Variants in ZSWIM6 observed in about 807,000 individuals in gnomAD.
ZSWIM6 encodes zinc finger SWIM domain-containing protein 6.
Under a neutral mutation model 113.2 loss-of-function variants are expected in ZSWIM6, and 9 were observed. The observed-to-expected ratio is 0.08, with a 90% CI of 0.05 to 0.14. ZSWIM6 has a LOEUF of 0.14. Ranked by LOEUF, ZSWIM6 falls within the 10% of genes least tolerant of loss-of-function variation. ZSWIM6 has a pLI of 1.00. For synonymous variants in ZSWIM6, 611 were observed against 606.5 expected (o/e 1.01, Z -0.11); for missense variants, 1,162 against 1,552.2 (o/e 0.75, Z 4.22).
In ZSWIM6 at chr5:61,339,279, C is replaced by T. The variant is rs535067576; in HGVS notation, c.676+6331C>T. Reference sequence around the variant, plus strand: ...AAATTAGCCGGGCGTAGTGGTACACCGCTGTAATCCCAGCTACTCAGGAGG... The same window carrying T: ...AAATTAGCCGGGCGTAGTGGTACACTGCTGTAATCCCAGCTACTCAGGAGG... On this transcript the variant is annotated intron_variant, in intron 1 of 13. Transcript: ENST00000252744. Among the ~76,000 whole-genome samples, 4 of 152,112 alleles carry T rather than the reference C, an allele frequency of 2.6e-5. No individual in the cohort carries two copies. The South Asian group carries it at 8.3e-4, about 32-fold the overall frequency.
At chr5:61,471,247 C>G (rs1747563014) in intron 1 of ZSWIM6, among the ~76,000 whole-genome samples, 1 of 152,206 alleles carries the variant, frequency 6.6e-6, no homozygotes, top group Non-Finnish European at 1.5e-5. Flanking sequence ...GTTCCCAAAA[C>G]TATATTCTTC....
intron 10 of ZSWIM6, among the ~76,000 whole-genome samples, chr5:61,536,892 T>C (rs879755232): frequency 3.9e-5 from 6 of 152,118 alleles, no homozygotes; most frequent in Non-Finnish European, 7.4e-5. Context: ...TCAGCAAAAG[T>C]CCCCCACCAA....
At chr5:61,477,668 A>T (rs1300369359) in intron 2 of ZSWIM6, among the ~76,000 whole-genome samples, 1 of 152,180 alleles carries the variant, frequency 6.6e-6, no homozygotes, top group Admixed American at 6.6e-5. Context: ...CAGTCTATTC[A>T]GACTATCTCA....
At chr5:61,407,272 G>C (rs1746063551) in intron 1 of ZSWIM6, among the ~76,000 whole-genome samples, 1 of 152,130 alleles carries the variant, frequency 6.6e-6, no homozygotes, top group Non-Finnish European at 1.5e-5. Context: ...AATTTGTGTT[G>C]GGACTAGTGG....
intron 10 of ZSWIM6, among the ~76,000 whole-genome samples, chr5:61,538,607 A>G (rs1288959197): frequency 6.6e-6 from 1 of 152,230 alleles, no homozygotes; most frequent in Non-Finnish European, 1.5e-5. Flanking sequence ...TGGGTGATGA[A>G]CAGTTATTAT....
chr5:61,473,857 G>A (rs1173056475), intron 2 of ZSWIM6, among the ~76,000 whole-genome samples: 1 of 152,152 alleles, frequency 6.6e-6, no homozygotes, highest in Non-Finnish European at 1.5e-5. Context: ...TTGAAATCTA[G>A]GACTAGTCTC....
chr5:61,418,104 T>C (rs539116892), intron 1 of ZSWIM6, among the ~76,000 whole-genome samples: 21 of 152,254 alleles, frequency 1.4e-4, no homozygotes, highest in African/African-American at 5.1e-4. Flanking sequence ...AGTCCTTTTA[T>C]CAGCACCAAA....
chr5:61,334,498 CCTT>C (rs1464194103), intron 1 of ZSWIM6, among the ~76,000 whole-genome samples: 5 of 152,148 alleles, frequency 3.3e-5, no homozygotes, highest in African/African-American at 1.2e-4. Context: ...TTCCTTTTAT[CCTT>C]CTTTTCTTTG....
intron 1 of ZSWIM6, among the ~76,000 whole-genome samples, chr5:61,395,656 G>T (rs1048802137): frequency 6.6e-6 from 1 of 152,078 alleles, no homozygotes; most frequent in Admixed American, 6.5e-5. Flanking sequence ...GCTGCTTTTT[G>T]ATATATCAGG....
At chr5:61,448,512 T>C (rs1445979) in intron 1 of ZSWIM6, among the ~76,000 whole-genome samples, 1 of 152,042 alleles carries the variant, frequency 6.6e-6, no homozygotes, top group African/African-American at 2.4e-5. Context: ...TAAAATGTTT[T>C]GCAAACTTAA....
At chr5:61,489,508 A>C (rs773411512) in intron 2 of ZSWIM6, among the ~76,000 whole-genome samples, 1 of 152,104 alleles carries the variant, frequency 6.6e-6, no homozygotes, top group Non-Finnish European at 1.5e-5. Flanking sequence ...AATGAAATAG[A>C]GTAGAAAATA....
intron 4 of ZSWIM6, among the ~76,000 whole-genome samples, chr5:61,520,156 A>G (rs573737959): frequency 6.6e-6 from 1 of 152,198 alleles, no homozygotes; most frequent in African/African-American, 2.4e-5. Flanking sequence ...TTTAATGAGG[A>G]AGAATGTACG....
intron 1 of ZSWIM6, among the ~76,000 whole-genome samples, chr5:61,382,494 T>G (rs1745505107): frequency 6.6e-6 from 1 of 152,178 alleles, no homozygotes; most frequent in African/African-American, 2.4e-5. Flanking sequence ...AAAGTCGTGA[T>G]GCCTTATGTG....
intron 1 of ZSWIM6, among the ~76,000 whole-genome samples, chr5:61,444,252 C>T (rs1746900252): frequency 6.6e-6 from 1 of 152,074 alleles, no homozygotes; most frequent in East Asian, 1.9e-4. Context: ...CCAGTTTCAT[C>T]CATGTCCCTA....
intron 4 of ZSWIM6, among the ~76,000 whole-genome samples, chr5:61,521,011 C>T (rs1287275321): frequency 6.6e-6 from 1 of 151,794 alleles, no homozygotes; most frequent in East Asian, 1.9e-4. Flanking sequence ...TATTGTCCTC[C>T]TTTCAATAAA....
chr5:61,421,032 G>C (rs1467134941), intron 1 of ZSWIM6, among the ~76,000 whole-genome samples: 4 of 151,848 alleles, frequency 2.6e-5, no homozygotes, highest in Non-Finnish European at 4.4e-5. Flanking sequence ...CAGTGCTCAT[G>C]TCTCAGTCTC....
At chr5:61,465,838 C>CT (rs755590545) in intron 1 of ZSWIM6, among the ~76,000 whole-genome samples, 23 of 152,250 alleles carry the variant, frequency 1.5e-4, no homozygotes, top group Non-Finnish European at 2.6e-4. Context: ...TAAAATAAAG[C>CT]TTTTCCTTTA....
chr5:61,451,997 C>G lies in ZSWIM6; in HGVS notation c.677-20684C>G, dbSNP rs568224305. On this transcript the variant is annotated intron_variant, in intron 1 of 13. Transcript: ENST00000252744. Reference sequence around the variant, plus strand: ...AAACAATACAAGGAACACTTAGTACCCGCTACTCAACCTTAACAATGTAAG... The same window carrying G: ...AAACAATACAAGGAACACTTAGTACGCGCTACTCAACCTTAACAATGTAAG... Among the ~76,000 whole-genome samples the G allele has an allele frequency of 5.3e-5, 8 of 152,080 alleles. No individual in the cohort carries two copies. The East Asian group carries it at 1.5e-3, about 29-fold the overall frequency.
At chr5:61,380,598 G>A (rs1294397247) in intron 1 of ZSWIM6, among the ~76,000 whole-genome samples, 2 of 152,142 alleles carry the variant, frequency 1.3e-5, no homozygotes, top group Admixed American at 6.5e-5. Context: ...CAAGTCAGGA[G>A]GTGTAGGTGT....
Sources: allele counts gnomAD v4.1 joint callset (sites outside exome capture counted in the v4.1 genomes callset), GRCh38; gene constraint gnomAD v4.1.1; transcripts MANE v1.5; gene names NCBI Gene and HGNC (gene_info 2026-07-23, HGNC 2026-07-21).